The following RIT2 variants were observed in gnomAD, a reference collection of about 807,000 sequenced individuals.
RIT2 encodes Ras like without CAAX 2, also known as GTP-binding protein Rit2.
RIT2 carries 24 observed loss-of-function variants against 23.7 expected under a neutral mutation model. The ratio of observed to expected loss-of-function variants is 1.01; its 90% confidence interval spans 0.73 to 1.43. RIT2 has a LOEUF of 1.43. RIT2 is among the 40% of genes most tolerant of loss of function. The probability of loss-of-function intolerance (pLI) is 0.00; values close to 1 mark genes in which losing one functional copy is unlikely to be tolerated. For synonymous variants in RIT2, 107 were observed against 91.1 expected (o/e 1.17, Z -0.99); for missense variants, 236 against 266.9 (o/e 0.88, Z 0.81).
chr18:43,105,990 G>A (rs1411070061), intron 1 of RIT2, among the ~76,000 whole-genome samples: 2 of 152,214 alleles, frequency 1.3e-5, no homozygotes, highest in African/African-American at 4.8e-5. Flanking sequence ...AGCTCTGGCA[G>A]TGGTTGAGTC....
At chr18:43,026,047 A>G (rs1911709502) in intron 2 of RIT2, among the ~76,000 whole-genome samples, 1 of 152,108 alleles carries the variant, frequency 6.6e-6, no homozygotes, top group Non-Finnish European at 1.5e-5. Flanking sequence ...CAAGAGTAGA[A>G]ACAAGGATCT....
intron 2 of RIT2, among the ~76,000 whole-genome samples, chr18:42,975,054 G>A (rs1388148804): frequency 2.6e-5 from 4 of 151,986 alleles, no homozygotes; most frequent in Non-Finnish European, 5.9e-5. Flanking sequence ...TTCCACAATG[G>A]CTGAACTGAT....
At chr18:42,784,550 T>C (rs974792265) in intron 4 of RIT2, among the ~76,000 whole-genome samples, 4 of 152,104 alleles carry the variant, frequency 2.6e-5, no homozygotes, top group African/African-American at 9.7e-5. Context: ...TCTCAGTAAA[T>C]GTAAGACATT....
At chr18:42,887,240 T>G (rs1908045853) in intron 4 of RIT2, among the ~76,000 whole-genome samples, 1 of 152,126 alleles carries the variant, frequency 6.6e-6, no homozygotes, top group Admixed American at 6.6e-5. Context: ...AAGTAAGTAA[T>G]TAATAAATAT....
At chr18:42,897,091 G>T (rs780832418) in intron 4 of RIT2, among the ~76,000 whole-genome samples, 6 of 152,138 alleles carry the variant, frequency 3.9e-5, no homozygotes, top group Non-Finnish European at 8.8e-5. Flanking sequence ...TCACAGCAAG[G>T]TTCTACAGGT....
At chr18:42,924,148 A>C (rs1909124903) in intron 3 of RIT2, among the ~76,000 whole-genome samples, 1 of 152,122 alleles carries the variant, frequency 6.6e-6, no homozygotes, top group African/African-American at 2.4e-5. Flanking sequence ...GAAGAAAAAA[A>C]ATTGTATAAT....
intron 4 of RIT2, among the ~76,000 whole-genome samples, chr18:42,894,332 A>G (rs1236813412): frequency 6.6e-6 from 1 of 152,234 alleles, no homozygotes; most frequent in Admixed American, 6.5e-5. Context: ...GAATCCAATA[A>G]TCAGCAAGAC....
chr18:43,057,742 G>A (rs1441683360), intron 1 of RIT2, among the ~76,000 whole-genome samples: 1 of 150,232 alleles, frequency 6.7e-6, no homozygotes, highest in Non-Finnish European at 1.5e-5. Flanking sequence ...TAATTATGGG[G>A]CAGCAGATAT....
chr18:42,759,456 C>T (rs1913244734), intron 4 of RIT2, among the ~76,000 whole-genome samples: 1 of 151,844 alleles, frequency 6.6e-6, no homozygotes, highest in African/African-American at 2.4e-5. Context: ...CATTAAAACC[C>T]AGGACTTTTT....
intron 4 of RIT2, among the ~76,000 whole-genome samples, chr18:42,748,106 C>T (rs955277612): frequency 1.3e-5 from 2 of 151,930 alleles, no homozygotes; most frequent in Non-Finnish European, 2.9e-5. Context: ...ATGAACAACC[C>T]ACAGAGTGGG....
chr18:43,055,867 T>G (rs1912490538), intron 1 of RIT2, among the ~76,000 whole-genome samples: 1 of 152,032 alleles, frequency 6.6e-6, no homozygotes, highest in African/African-American at 2.4e-5. Context: ...TGCAGAGAAG[T>G]AAGCTAAATG....
chr18:43,092,593 T>A (rs1241255307), intron 1 of RIT2, among the ~76,000 whole-genome samples: 3 of 152,114 alleles, frequency 2.0e-5, no homozygotes, highest in East Asian at 3.9e-4. Context: ...ACATACTAAG[T>A]CCTTCTTCAG....
At chr18:42,834,001 C>T (rs1438387245) in intron 4 of RIT2, among the ~76,000 whole-genome samples, 2 of 152,038 alleles carry the variant, frequency 1.3e-5, no homozygotes, top group African/African-American at 4.8e-5. Context: ...TCAATAACCA[C>T]TAAAAATACA....
At chr18:42,995,302 G>A (rs1015400980) in intron 2 of RIT2, among the ~76,000 whole-genome samples, 9 of 151,358 alleles carry the variant, frequency 5.9e-5, no homozygotes, top group East Asian at 1.9e-4. Context: ...CATCAAGCTC[G>A]AAGATTTGCC....
chr18:42,989,513 T>C (rs897537822), intron 2 of RIT2, among the ~76,000 whole-genome samples: 1 of 152,242 alleles, frequency 6.6e-6, no homozygotes, highest in African/African-American at 2.4e-5. Context: ...GTCATTTGAA[T>C]GTCTGCAAGC....
At chr18:42,832,303 G>C (rs933572945) in intron 4 of RIT2, among the ~76,000 whole-genome samples, 7 of 152,132 alleles carry the variant, frequency 4.6e-5, no homozygotes, top group African/African-American at 1.7e-4. Context: ...ATAGCTAAGT[G>C]ATGTAATAAA....
At chr18:42,814,261 C>G (rs549063419) in intron 4 of RIT2, among the ~76,000 whole-genome samples, 107 of 152,284 alleles carry the variant, frequency 7.0e-4, no homozygotes, top group Non-Finnish European at 1.2e-3. Context: ...GCAGACTCCA[C>G]AGGCAGGGGA....
chr18:42,846,537 T>A (rs1009450480), intron 4 of RIT2, among the ~76,000 whole-genome samples: 1 of 151,952 alleles, frequency 6.6e-6, no homozygotes, highest in Non-Finnish European at 1.5e-5. Context: ...GGTGCCAAAA[T>A]CTTAAATAAA....
intron 4 of RIT2, among the ~76,000 whole-genome samples, chr18:42,905,554 C>A: frequency 6.6e-6 from 1 of 152,158 alleles, no homozygotes; most frequent in East Asian, 1.9e-4. Flanking sequence ...CTCACTGCAA[C>A]CTCTGCCTCG....
Sources: allele counts gnomAD v4.1 joint callset (sites outside exome capture counted in the v4.1 genomes callset), GRCh38; gene constraint gnomAD v4.1.1; transcripts MANE v1.5; gene names NCBI Gene and HGNC (gene_info 2026-07-23, HGNC 2026-07-21).